SLC28A2: variants seen among roughly 807,000 people sequenced by gnomAD.
The protein encoded by SLC28A2 is solute carrier family 28 member 2, also known as sodium/nucleoside cotransporter 2.
SLC28A2 carries 69 observed loss-of-function variants against 72.9 expected under a neutral mutation model. The observed-to-expected ratio is 0.95, with a 90% CI of 0.78 to 1.16. SLC28A2 has a LOEUF of 1.16. Among genes scored for constraint, SLC28A2 ranks in the 50% most tolerant of loss-of-function variants. The probability of loss-of-function intolerance (pLI) is 0.00; values close to 1 mark genes in which losing one functional copy is unlikely to be tolerated. For missense variants in SLC28A2, 745 were observed against 791.1 expected, an observed-to-expected ratio of 0.94 and a Z score of 0.70; for synonymous variants, 296 against 294.1, an observed-to-expected ratio of 1.01 and a Z score of -0.07.
chr15:45,261,576 CCTGT>C (rs59183361), intron 3 of SLC28A2, among the ~76,000 whole-genome samples: 13,798 of 152,162 alleles, frequency 0.091, 1,985 homozygotes, highest in African/African-American at 0.31. Context: ...CATTTTCCTT[CCTGT>C]CTGTCAATGC....
intron 3 of SLC28A2, among the ~76,000 whole-genome samples, chr15:45,258,718 A>C (rs1049574257): frequency 6.6e-6 from 1 of 152,214 alleles, no homozygotes; most frequent in Non-Finnish European, 1.5e-5. Flanking sequence ...CATTGTAAGA[A>C]TCTACCACAG....
At chr15:45,273,434 G>T (rs1254456368) in intron 17 of SLC28A2, among the ~76,000 whole-genome samples, 15 of 152,316 alleles carry the variant, frequency 9.8e-5, no homozygotes, top group Admixed American at 9.2e-4. Context: ...CAAAAGGAAA[G>T]ATTTGAGGAA....
rs376998639 is a variant in SLC28A2, at chr15:45,259,442, A to AT, written c.171-2571dup. 2.8e-3 allele frequency among the ~76,000 whole-genome samples: 424 copies of AT among 152,334 alleles called. 1 individual carries two copies. The highest frequency in any genetic ancestry group is 9.7e-3 in the African/African-American group (404 of 41,568). On this transcript the variant is annotated intron_variant, in intron 3 of 17. Coordinates refer to ENST00000347644, the MANE Select transcript of SLC28A2 (RefSeq NM_004212.4). ...CTCCTTGGCCTCCCAAAGTGCTAGG[A>AT]TTACAGGTGTGAGCCACTGCACCCA... is the stretch of plus-strand genomic sequence containing the variant.
At chr15:45,268,822 G>C (rs1595680175) in intron 13 of SLC28A2, among the ~76,000 whole-genome samples, 1 of 152,048 alleles carries the variant, frequency 6.6e-6, no homozygotes, top group Non-Finnish European at 1.5e-5. Context: ...ATACACCATG[G>C]AATACTATGC....
At chr15:45,269,559 A>G (rs754902472) in intron 14 of SLC28A2, 24 bp downstream of exon 14, 1 of 1,595,314 alleles carries the variant, frequency 6.3e-7, no homozygotes, top group Non-Finnish European at 8.6e-7. Flanking sequence ...CAAAAAGCAT[A>G]AACACCGTGA....
chr15:45,265,487 T>C (rs747614964), intron 8 of SLC28A2, 96 bp from the exon 9 acceptor site: 7 of 856,252 alleles, frequency 8.2e-6, no homozygotes, highest in Admixed American at 7.0e-5. Context: ...CTACACTGTA[T>C]GAGATACCCT....
intron 3 of SLC28A2, among the ~76,000 whole-genome samples, chr15:45,255,652 A>G (rs1223815691): frequency 6.6e-6 from 1 of 152,166 alleles, no homozygotes; most frequent in East Asian, 1.9e-4. Context: ...ATTTCAAGTA[A>G]CCAAAGGGTT....
intron 17 of SLC28A2, among the ~76,000 whole-genome samples, chr15:45,274,718 A>T (rs1900694809): frequency 6.6e-6 from 1 of 151,298 alleles, no homozygotes; most frequent in Admixed American, 6.6e-5. Flanking sequence ...AGCTGGATTC[A>T]TCATTGCTCT....
At chr15:45,268,811 TA>T (rs1436042297) in intron 13 of SLC28A2, among the ~76,000 whole-genome samples, 3 of 152,078 alleles carry the variant, frequency 2.0e-5, no homozygotes, top group Non-Finnish European at 4.4e-5. Flanking sequence ...ATGTGGCATA[TA>T]TACACCATGG....
At position 45,252,244 on chromosome 15, in the gene SLC28A2, TGAG is replaced by T. The variant is rs1899812793; in HGVS notation, c.-47_-45del. The T allele has an allele frequency of 2.2e-6, 1 of 455,618 alleles. No individual in the cohort carries two copies. The highest frequency in any genetic ancestry group is 4.4e-6 in the Non-Finnish European group (1 of 226,796). 28.2% of individuals were successfully genotyped at this position (455,618 alleles called of 1,614,324 possible). On this transcript the variant is annotated 5_prime_UTR_variant, in exon 1 of 18. Transcript: ENST00000347644. ...CTGAGCTTTTCTTTCAGTCCTTCACTGAGGAGCCAGAGGGAATCAATTCCACAA... is the reference window on the plus strand; with the variant it reads ...CTGAGCTTTTCTTTCAGTCCTTCACTGAGCCAGAGGGAATCAATTCCACAA...
In SLC28A2 at chr15:45,262,426, G is replaced by A. The variant is rs187514533; in HGVS notation, c.262+320G>A. On this transcript the variant is annotated intron_variant, in intron 4 of 17. Coordinates refer to ENST00000347644, the MANE Select transcript of SLC28A2 (RefSeq NM_004212.4). ...GATTCTTACAGCCTTGATGACAGAA[G>A]CCTGTATTATACCTTACTTATTTGC... Among the ~76,000 whole-genome samples, 3 of 152,256 alleles carry A rather than the reference G, an allele frequency of 2.0e-5. No individual in the cohort carries two copies. The East Asian group carries it at 5.8e-4, about 29-fold the overall frequency.
At position 45,275,500 on chromosome 15, in the gene SLC28A2, C is replaced by T; in HGVS notation, c.1964C>T (p.Thr655Ile). ...AACTGCTGTGGATTCTACAACAATA[C>T]CGTCTGTGCCTAAGGCTGCTTGATC... Reference protein sequence around the residue: ...LTNCCGFYNNTVCA With the variant: ...LTNCCGFYNNIVCA The change falls in exon 18 of 18, where the codon ACC (threonine) becomes ATC (isoleucine). Residue 655 changes from threonine (T) to isoleucine (I), a missense_variant. By Grantham distance (89) the Thr-to-Ile change is moderately conservative. Coordinates refer to ENST00000347644, the MANE Select transcript of SLC28A2 (RefSeq NM_004212.4). 6.3e-7 allele frequency: 1 copy of T among 1,585,578 alleles called. No individual in the cohort carries two copies. Among genetic ancestry groups the T allele is most frequent in the Non-Finnish European group, 8.7e-7 (1 of 1,154,176 alleles).
chr15:45,262,160 C>A, intron 4 of SLC28A2, 54 bp downstream of exon 4: 1 of 1,351,514 alleles, frequency 7.4e-7, no homozygotes, highest in Non-Finnish European at 1.1e-6. Context: ...TAGAAATTTG[C>A]CTTGTGTCAA....
rs567873558 is a variant in SLC28A2, at chr15:45,267,704, C to T, written c.1107C>T (p.Ala369=). Residue 369 remains alanine (A), a synonymous_variant, in exon 12 of 18, where the codon GCC becomes GCT. Transcript: ENST00000347644. ...CCCTGATTTCTGCCTCTGTGATGGC[C>T]GCCCCTTGTGCTCTCGCCTCATCAA... ...ASSLISASVM[A]APCALASSKL... is the part of the protein sequence containing the mutation. The T allele has an allele frequency of 1.7e-5, 28 of 1,613,898 alleles. No homozygotes were observed. Among genetic ancestry groups the T allele is most frequent in the Admixed American group, 1.5e-4 (9 of 59,980 alleles).
In SLC28A2 at chr15:45,270,339, C is replaced by A. The variant is rs1900508645; in HGVS notation, c.1648+63C>A. 8.3e-6 allele frequency: 9 copies of A among 1,087,242 alleles called. No individual in the cohort carries two copies. The East Asian group carries it at 1.6e-4, about 20-fold the overall frequency. The allele number at this position is 1,087,242 out of a possible 1,614,324, so 67.3% of individuals were successfully genotyped here. ...GCCAGATCCCAGCTTCTGTAGTGGGCAGTCCTGGTGCTTCAGTACAAGCTG... is the reference window on the plus strand; with the variant it reads ...GCCAGATCCCAGCTTCTGTAGTGGGAAGTCCTGGTGCTTCAGTACAAGCTG... On this transcript the variant is annotated intron_variant, in intron 15 of 17. Transcript: ENST00000347644.
intron 17 of SLC28A2, among the ~76,000 whole-genome samples, chr15:45,273,618 T>C (rs1008894717): frequency 1.2e-4 from 18 of 152,214 alleles, no homozygotes; most frequent in African/African-American, 3.9e-4. Context: ...TGATCAACTA[T>C]GCTGTTTCAA....
At chr15:45,262,930 C>G (rs1900205334) in intron 4 of SLC28A2, 131 bp from the exon 5 acceptor site, 1 of 676,790 alleles carries the variant, frequency 1.5e-6, no homozygotes, top group Non-Finnish European at 2.5e-6. Flanking sequence ...TTCTGTCTGA[C>G]AGTAGGGCTG....
At chr15:45,270,917 G>A (rs776872643) in intron 15 of SLC28A2, among the ~76,000 whole-genome samples, 11 of 152,122 alleles carry the variant, frequency 7.2e-5, no homozygotes, top group African/African-American at 1.7e-4. Flanking sequence ...GATAACAGGC[G>A]TGAGCCACCA....
chr15:45,255,181 A>C (rs539727630), intron 3 of SLC28A2: 5 of 151,834 alleles, frequency 3.3e-5, no homozygotes, highest in African/African-American at 1.2e-4. Context: ...ACTTGAGCCC[A>C]GGAGGTTAAG....
Sources: gnomAD v4.1 joint callset for allele counts (sites outside exome capture counted in the v4.1 genomes callset) on GRCh38, gnomAD v4.1.1 for gene constraint, MANE v1.5 for transcripts, NCBI Gene and HGNC (gene_info 2026-07-23, HGNC 2026-07-21) for gene names.